CCSER1: variants seen among roughly 807,000 people sequenced by gnomAD.
The protein encoded by CCSER1 is serine-rich coiled-coil domain-containing protein 1.
Under a neutral mutation model 82.0 loss-of-function variants are expected in CCSER1, and 41 were observed. The ratio of observed to expected loss-of-function variants is 0.50; its 90% CI spans 0.39 to 0.65. The LOEUF (loss-of-function observed/expected upper bound fraction) is 0.65. Ranked by LOEUF, CCSER1 falls within the 30% of genes least tolerant of loss-of-function variation. CCSER1 has a pLI of 0.00. For synonymous variants in CCSER1, 414 were observed against 383.9 expected, an observed-to-expected ratio of 1.08 and a Z score of -0.92; for missense variants, 1,119 against 1,064.2, an observed-to-expected ratio of 1.05 and a Z score of -0.72.
chr4:90,922,912 A>T lies in CCSER1; in HGVS notation c.2095-458A>T, dbSNP rs577001459. ...AGTCTCTTAAGGTAAACATTCCTAA[A>T]TGTGTAGAGGTTTTTGGAAAGAAGA... On this transcript the variant is annotated intron_variant, in intron 8 of 10. Transcript: ENST00000509176. Among the ~76,000 whole-genome samples the T allele has an allele frequency of 2.6e-5, 4 of 152,278 alleles. No homozygotes were observed. The South Asian group carries it at 6.2e-4, about 24-fold the overall frequency.
intron 10 of CCSER1, among the ~76,000 whole-genome samples, chr4:91,104,269 T>C (rs1725376745): frequency 6.6e-6 from 1 of 152,234 alleles, no homozygotes. Flanking sequence ...TTATCGGTAG[T>C]TCTGCTTTTT....
chr4:90,639,800 G>A (rs936640624), intron 6 of CCSER1, among the ~76,000 whole-genome samples: 28 of 152,196 alleles, frequency 1.8e-4, no homozygotes, highest in African/African-American at 6.7e-4. Context: ...ATTTCAACAT[G>A]CAAATGTATG....
At position 91,371,576 on chromosome 4, in the gene CCSER1, GT is replaced by G. The variant is rs371165486; in HGVS notation, c.2218-226994del. Among the ~76,000 whole-genome samples, 443 of 152,046 alleles carry G rather than the reference GT, an allele frequency of 2.9e-3. 1 individual carries two copies. Among genetic ancestry groups the G allele is most frequent in the African/African-American group, 0.01 (427 of 41,468 alleles). On this transcript the variant is annotated intron_variant, in intron 10 of 10. Transcript: ENST00000509176. ...GCAAATTTTCTTTATTCATTCATCC[GT>G]TCATGGACACTTAGATTGCTTCCAA...
chr4:91,578,055 G>T (rs1008960972), intron 10 of CCSER1, among the ~76,000 whole-genome samples: 6 of 151,982 alleles, frequency 3.9e-5, no homozygotes, highest in African/African-American at 1.2e-4. Flanking sequence ...AATCTAATGT[G>T]TGTGAAGCAC....
At chr4:90,786,290 C>G (rs1030657375) in intron 7 of CCSER1, among the ~76,000 whole-genome samples, 2 of 152,134 alleles carry the variant, frequency 1.3e-5, no homozygotes, top group African/African-American at 4.8e-5. Context: ...TAATGATGTT[C>G]AAGATATACA....
chr4:91,521,510 T>C (rs1760469947), intron 10 of CCSER1, among the ~76,000 whole-genome samples: 1 of 152,194 alleles, frequency 6.6e-6, no homozygotes, highest in Admixed American at 6.5e-5. Flanking sequence ...CGTAAAAGTG[T>C]TCCTGTTTCT....
At chr4:91,033,756 T>C (rs1741190202) in intron 9 of CCSER1, among the ~76,000 whole-genome samples, 1 of 152,126 alleles carries the variant, frequency 6.6e-6, no homozygotes, top group Non-Finnish European at 1.5e-5. Context: ...AGCTTCTTCA[T>C]CAGTAGGTCA....
At chr4:91,129,355 C>A (rs1350078571) in intron 10 of CCSER1, among the ~76,000 whole-genome samples, 1 of 151,904 alleles carries the variant, frequency 6.6e-6, no homozygotes, top group Non-Finnish European at 1.5e-5. Flanking sequence ...ATGAGGCTAC[C>A]ACCTGATACC....
chr4:91,142,752 T>C (rs1561581552), intron 10 of CCSER1, among the ~76,000 whole-genome samples: 1 of 152,124 alleles, frequency 6.6e-6, no homozygotes, highest in Admixed American at 6.6e-5. Flanking sequence ...TTCCTTATAG[T>C]GTATTTCTGT....
chr4:90,744,561 A>T (rs939374635), intron 7 of CCSER1, among the ~76,000 whole-genome samples: 1 of 152,190 alleles, frequency 6.6e-6, no homozygotes, highest in Non-Finnish European at 1.5e-5. Context: ...ACCTATATTC[A>T]TATTAAAATA....
At chr4:90,666,605 G>A (rs1357089644) in intron 6 of CCSER1, among the ~76,000 whole-genome samples, 2 of 152,158 alleles carry the variant, frequency 1.3e-5, no homozygotes, top group Non-Finnish European at 1.5e-5. Context: ...GCAGGCTATG[G>A]AGTGGTGATA....
chr4:90,271,841 TATATATATATATA>T (rs1560918653), intron 1 of CCSER1, among the ~76,000 whole-genome samples: 4 of 23,564 alleles, frequency 1.7e-4, no homozygotes, highest in South Asian at 1.7e-3. Context: ...TATATATATA[TATATATATATATA>T]TATATATATT....
At chr4:91,128,252 A>G (rs1212891588) in intron 10 of CCSER1, among the ~76,000 whole-genome samples, 2 of 152,064 alleles carry the variant, frequency 1.3e-5, no homozygotes, top group African/African-American at 4.8e-5. Context: ...GACAAAACAA[A>G]CAAACTAAAC....
At chr4:90,984,907 G>T (rs1022022687) in intron 9 of CCSER1, among the ~76,000 whole-genome samples, 2 of 151,550 alleles carry the variant, frequency 1.3e-5, no homozygotes, top group Non-Finnish European at 2.9e-5. Flanking sequence ...GATGTGTTTT[G>T]TCTTAAATTC....
chr4:91,179,773 G>A (rs1000089048), intron 10 of CCSER1, among the ~76,000 whole-genome samples: 10 of 152,172 alleles, frequency 6.6e-5, no homozygotes, highest in Admixed American at 5.2e-4. Flanking sequence ...GGAGAAGTTT[G>A]TTATTACAGA....
At chr4:91,221,225 T>C (rs1192627039) in intron 10 of CCSER1, among the ~76,000 whole-genome samples, 1 of 152,114 alleles carries the variant, frequency 6.6e-6, no homozygotes, top group Non-Finnish European at 1.5e-5. Context: ...CATAACATAG[T>C]TGTTTTCCTC....
chr4:91,378,335 T>A (rs1750595331), intron 10 of CCSER1, among the ~76,000 whole-genome samples: 1 of 152,204 alleles, frequency 6.6e-6, no homozygotes, highest in South Asian at 2.1e-4. Flanking sequence ...ATAAATTACC[T>A]TGGGCAGTGT....
Position 91,370,629 on chromosome 4 carries a change from G to C in CCSER1, c.2218-227943G>C, listed in dbSNP as rs548018775. Among the ~76,000 whole-genome samples the C allele has an allele frequency of 2.0e-5, 3 of 151,996 alleles. No individual in the cohort carries two copies. The East Asian group carries it at 5.9e-4, about 30-fold the overall frequency. On this transcript the variant is annotated intron_variant, in intron 10 of 10. Coordinates refer to ENST00000509176, the MANE Select transcript of CCSER1 (RefSeq NM_001145065.2). ...GAGAATTGCTTTAACCTGGGAGGCC[G>C]AGGTTGCAGTGAGCCGAGATCATGC...
intron 7 of CCSER1, among the ~76,000 whole-genome samples, chr4:90,808,457 T>C (rs897764358): frequency 6.6e-6 from 1 of 151,848 alleles, no homozygotes; most frequent in Non-Finnish European, 1.5e-5. Flanking sequence ...AACAGACAAC[T>C]TATAGAATGA....
Sources: gnomAD v4.1 joint callset for allele counts (sites outside exome capture counted in the v4.1 genomes callset) on GRCh38, gnomAD v4.1.1 for gene constraint, MANE v1.5 for transcripts, NCBI Gene and HGNC (gene_info 2026-07-23, HGNC 2026-07-21) for gene names.